Variants in SMCHD1 observed in about 807,000 individuals in gnomAD.
The protein encoded by SMCHD1 is structural maintenance of chromosomes flexible hinge domain-containing protein 1.
Under a neutral mutation model 254.7 loss-of-function variants are expected in SMCHD1, and 78 were observed. The ratio of observed to expected loss-of-function variants is 0.31; its 90% CI spans 0.26 to 0.37. SMCHD1 has a LOEUF of 0.37. SMCHD1 is among the 10% of genes least tolerant of loss of function. The probability of loss-of-function intolerance (pLI) is 1.00; values close to 1 mark genes in which losing one functional copy is unlikely to be tolerated. For missense variants in SMCHD1, 1,840 were observed against 2,408.1 expected (o/e 0.76, Z 4.94); for synonymous variants, 766 against 794.9 (o/e 0.96, Z 0.61).
At chr18:2,778,379 C>T (rs2076100950) in intron 44 of SMCHD1, 140 bp downstream of exon 44, 3 of 577,424 alleles carry the variant, frequency 5.2e-6, no homozygotes, top group Non-Finnish European at 8.9e-6. Flanking sequence ...TAAAAGTAGG[C>T]AAAACGTAGG....
chr18:2,738,675 A>G (rs2075295550), intron 26 of SMCHD1, 130 bp downstream of exon 26: 6 of 838,976 alleles, frequency 7.2e-6, no homozygotes, highest in Non-Finnish European at 1.0e-5. Flanking sequence ...TCTTTGGAAT[A>G]AAGTGTCATT....
chr18:2,662,172 AAAAAAAT>A (rs1242813024), intron 1 of SMCHD1, among the ~76,000 whole-genome samples: 3 of 91,410 alleles, frequency 3.3e-5, no homozygotes, highest in African/African-American at 7.4e-5. Context: ...TCTCAAAAAA[AAAAAAAT>A]AAAATAAATA....
At chr18:2,744,344 A>G (rs1382926876) in intron 29 of SMCHD1, among the ~76,000 whole-genome samples, 1 of 152,108 alleles carries the variant, frequency 6.6e-6, no homozygotes, top group African/African-American at 2.4e-5. Context: ...ATCAAGTCAT[A>G]TCCGTAAATA....
Position 2,772,349 on chromosome 18 carries a change from G to C in SMCHD1, c.5152G>C (p.Gly1718Arg). 1 of 1,580,792 alleles carries C rather than the reference G, an allele frequency of 6.3e-7. No individual in the cohort carries two copies. Among genetic ancestry groups the C allele is most frequent in the Non-Finnish European group, 8.6e-7 (1 of 1,167,236 alleles). The change falls in exon 41 of 48, where the codon GGC (glycine) becomes CGC (arginine). Residue 1718 changes from glycine (G) to arginine (R), a missense_variant. By Grantham distance (125) the Gly-to-Arg change is moderately radical. Transcript: ENST00000320876. ...GTGTACTCTTCCAAACTATACTAAA[G>C]GCAGTGGAGATGTTTTGGGAAAGGT... ...RSCTLPNYTK[G>R]SGDVLGKIAH...
rs139765153 is a variant in SMCHD1 at position 2,698,733 on chromosome 18, A to G, written c.1342+692A>G. 3.2e-4 allele frequency among the ~76,000 whole-genome samples: 49 copies of G among 151,854 alleles called. No individual in the cohort carries two copies. The East Asian group carries it at 9.3e-3, about 29-fold the overall frequency. On this transcript the variant is annotated intron_variant, in intron 10 of 47. Transcript: ENST00000320876. ...AACAATTATTTTCTATGTGGTATTC[A>G]TATTCAGTTTCTTAGCACCAGTTAT... is the stretch of plus-strand genomic sequence containing the variant.
intron 1 of SMCHD1, among the ~76,000 whole-genome samples, chr18:2,659,305 A>G (rs1026882002): frequency 6.6e-6 from 1 of 152,038 alleles, no homozygotes; most frequent in African/African-American, 2.4e-5. Flanking sequence ...TTTAGTAGAG[A>G]TGGGGTTTTG....
At chr18:2,680,897 C>G (rs1480200087) in intron 5 of SMCHD1, among the ~76,000 whole-genome samples, 1 of 152,100 alleles carries the variant, frequency 6.6e-6, no homozygotes, top group Non-Finnish European at 1.5e-5. Context: ...CTTATGCCAC[C>G]ATTCTGGAAG....
At chr18:2,678,855 G>GTTT (rs869076850) in intron 5 of SMCHD1, among the ~76,000 whole-genome samples, 7 of 28,290 alleles carry the variant, frequency 2.5e-4, no homozygotes, top group African/African-American at 3.5e-4. Flanking sequence ...TTGTTTTTTT[G>GTTT]TTTTTTTTTT....
Position 2,777,809 on chromosome 18 carries a change from T to C in SMCHD1, c.5370T>C (p.Ser1790=). 6.6e-7 allele frequency: 1 copy of C among 1,518,116 alleles called. No individual in the cohort carries two copies. Among genetic ancestry groups the C allele is most frequent in the Non-Finnish European group, 8.9e-7 (1 of 1,125,678 alleles). 94.0% of individuals were successfully genotyped at this position (1,518,116 alleles called of 1,614,324 possible). ...TTTAAAATTTCTTTTTATTTAGATC[T>C]CTACCTCATTTCCGAAATGGAAAAT... is the stretch of plus-strand genomic sequence containing the variant. ...YKKTLPDWKR[S]LPHFRNGKLY... Residue 1790 remains serine (S), a synonymous_variant, in exon 43 of 48, where the codon TCT becomes TCC. Coordinates refer to ENST00000320876, the MANE Select transcript of SMCHD1 (RefSeq NM_015295.3).
At chr18:2,768,763 C>T (rs748497691) in intron 37 of SMCHD1, among the ~76,000 whole-genome samples, 3 of 138,028 alleles carry the variant, frequency 2.2e-5, no homozygotes, top group Admixed American at 7.6e-5. Flanking sequence ...TTGATCAAAT[C>T]GAGTGCTGAA....
rs371392245 is a variant in SMCHD1, at chr18:2,732,467, C to T, written c.3251C>T (p.Thr1084Ile). Residue 1084 changes from threonine to isoleucine, a missense_variant, in exon 25 of 48, where the codon ACA becomes ATA. This residue lies in a region of SMCHD1 where 881 missense variants were observed against 1,009.5 expected (regional missense o/e 0.87). Coordinates refer to ENST00000320876, the MANE Select transcript of SMCHD1 (RefSeq NM_015295.3). ...GAAGGAGAAAGAGAAATCAATATAACATCAGCTTTAGCAGAAAAAATTAAA... is the reference window on the plus strand; with the variant it reads ...GAAGGAGAAAGAGAAATCAATATAATATCAGCTTTAGCAGAAAAAATTAAA... ...YDEGEREINI[T>I]SALAEKIKVN... 46 of 1,605,270 alleles carry T rather than the reference C, an allele frequency of 2.9e-5. No individual in the cohort carries two copies. The highest frequency in any genetic ancestry group is 5.1e-6 in the Non-Finnish European group (6 of 1,174,714).
At chr18:2,681,820 CA>C (rs1243484547) in intron 5 of SMCHD1, among the ~76,000 whole-genome samples, 1 of 152,006 alleles carries the variant, frequency 6.6e-6, no homozygotes, top group African/African-American at 2.4e-5. Context: ...ACTTGCCCAT[CA>C]ATTAAAAGGC....
At position 2,740,694 on chromosome 18, in the gene SMCHD1, CT is replaced by C; in HGVS notation, c.3515-3del. On this transcript the variant is annotated splice_region_variant and splice_polypyrimidine_tract_variant and intron_variant, in intron 27 of 47. Transcript: ENST00000320876. ...GATAATACTAAAATAAAACTTCCCCCTTTTTTAGTTATAATAATTACAGATC... is the reference window on the plus strand; with the variant it reads ...GATAATACTAAAATAAAACTTCCCCCTTTTTAGTTATAATAATTACAGATC... 5.5e-6 allele frequency: 8 copies of C among 1,465,746 alleles called. No homozygotes were observed. Among genetic ancestry groups the C allele is most frequent in the South Asian group, 2.5e-5 (2 of 80,580 alleles). 90.8% of individuals were successfully genotyped at this position (1,465,746 alleles called of 1,614,324 possible).
intron 2 of SMCHD1, 60 bp downstream of exon 2, chr18:2,666,292 T>C: frequency 1.3e-6 from 1 of 757,498 alleles, no homozygotes; most frequent in Non-Finnish European, 2.1e-6. Flanking sequence ...AGTACATATA[T>C]AGCAATAACT....
Position 2,803,228 on chromosome 18 carries a change from A to G in SMCHD1, c.*676A>G, listed in dbSNP as rs2143890828. ...TATATATATATATATAAATATATAT[A>G]TATAAAATATTCAGCAGCACCAAGT... On this transcript the variant is annotated 3_prime_UTR_variant, in exon 48 of 48. Coordinates refer to ENST00000320876, the MANE Select transcript of SMCHD1 (RefSeq NM_015295.3). 1 of 147,882 alleles carries G rather than the reference A, an allele frequency of 6.8e-6. No homozygotes were observed. Among genetic ancestry groups the G allele is most frequent in the East Asian group, 2.0e-4 (1 of 5,128 alleles). 9.2% of individuals were successfully genotyped at this position (147,882 alleles called of 1,614,324 possible).
intron 17 of SMCHD1, among the ~76,000 whole-genome samples, chr18:2,711,650 T>G (rs931788675): frequency 1.3e-5 from 2 of 151,024 alleles, no homozygotes; most frequent in East Asian, 3.9e-4. Flanking sequence ...GCCCGGCTAA[T>G]TTTTTGTATT....
rs1030629277 is a variant in SMCHD1, at chr18:2,726,587, A to G, written c.2773+63A>G. The G allele has an allele frequency of 3.7e-6, 3 of 821,072 alleles. No individual in the cohort carries two copies. In the South Asian group the frequency reaches 6.6e-5, roughly 18 times the overall value. The allele number at this position is 821,072 out of a possible 1,614,324, so 50.9% of individuals were successfully genotyped here. ...TTTTCTTATGTTAAAGTATAATGAT[A>G]TGAAGTTAGAGGTTTTTGGGCTTTT... On this transcript the variant is annotated intron_variant, in intron 22 of 47. Coordinates refer to ENST00000320876, the MANE Select transcript of SMCHD1 (RefSeq NM_015295.3).
intron 28 of SMCHD1, among the ~76,000 whole-genome samples, chr18:2,742,931 C>T (rs1198492566): frequency 2.0e-5 from 3 of 152,122 alleles, no homozygotes; most frequent in Non-Finnish European, 4.4e-5. Flanking sequence ...ACCTTGGCCT[C>T]GTAAAGTGCT....
chr18:2,802,745 C>G lies in SMCHD1; in HGVS notation c.*193C>G. ...ATTCAATTTTATGAATCTTACTGGA[C>G]ATTATGGATTTACTGGAATTATTCC... On this transcript the variant is annotated 3_prime_UTR_variant, in exon 48 of 48. Coordinates refer to ENST00000320876, the MANE Select transcript of SMCHD1 (RefSeq NM_015295.3). 2.2e-6 allele frequency: 1 copy of G among 461,004 alleles called. No individual in the cohort carries two copies. Among genetic ancestry groups the G allele is most frequent in the Non-Finnish European group, 3.9e-6 (1 of 258,812 alleles). The allele number at this position is 461,004 out of a possible 1,614,324, so 28.6% of individuals were successfully genotyped here.
Sources: gnomAD v4.1 joint callset for allele counts (sites outside exome capture counted in the v4.1 genomes callset) on GRCh38, gnomAD v4.1.1 for gene constraint, gnomAD v4.1.1 regional missense constraint, MANE v1.5 for transcripts, NCBI Gene and HGNC (gene_info 2026-07-23, HGNC 2026-07-21) for gene names.